INSR: variants seen among roughly 807,000 people sequenced by gnomAD.
INSR encodes IR.
A neutral mutation model predicts 142.6 loss-of-function variants in INSR; 67 were observed. The ratio of observed to expected loss-of-function variants is 0.47; its 90% confidence interval spans 0.39 to 0.58. The LOEUF (loss-of-function observed/expected upper bound fraction) is 0.58. Among genes scored for constraint, INSR ranks in the 20% least tolerant of loss-of-function variants. INSR has a pLI of 0.00. For synonymous variants in INSR, 756 were observed against 743.1 expected (o/e 1.02, Z -0.28); for missense variants, 1,248 against 1,833.2 (o/e 0.68, Z 5.83).
chr19:7,172,395 A>G lies in INSR; in HGVS notation c.1163T>C (p.Ile388Thr), dbSNP rs752891647. The change falls in exon 5 of 22, where the codon ATT becomes ACT. Residue 388 changes from isoleucine to threonine, a missense_variant. By Grantham distance (89) the Ile-to-Thr change is moderately conservative. Coordinates refer to ENST00000302850, the MANE Select transcript of INSR (RefSeq NM_000208.4). ...TTTTAGATACCCTGAAATTTCTTCA[A>G]TGAGGCCGAGGTTGGCTTCTAGCTC... ...AAELEANLGL[I>T]EEISGYLKIR... is the part of the protein sequence containing the mutation. The G allele has an allele frequency of 4.3e-6, 7 of 1,613,968 alleles. No homozygotes were observed. Among genetic ancestry groups the G allele is most frequent in the South Asian group, 2.2e-5 (2 of 91,086 alleles).
At chr19:7,212,531 C>A (rs1975306809) in intron 2 of INSR, among the ~76,000 whole-genome samples, 1 of 152,204 alleles carries the variant, frequency 6.6e-6, no homozygotes, top group Non-Finnish European at 1.5e-5. Context: ...CCTCATGGTG[C>A]TTCCAGTCTA....
chr19:7,256,167 G>A (rs531761356), intron 2 of INSR, among the ~76,000 whole-genome samples: 2 of 152,138 alleles, frequency 1.3e-5, no homozygotes, highest in Non-Finnish European at 2.9e-5. Flanking sequence ...GCTGGGCATG[G>A]CGGCTCACGC....
chr19:7,224,870 T>A (rs747202957), intron 2 of INSR, among the ~76,000 whole-genome samples: 1 of 151,474 alleles, frequency 6.6e-6, no homozygotes, highest in Non-Finnish European at 1.5e-5. Context: ...AATATCCAGG[T>A]TCTTGTCTCT....
At chr19:7,248,268 C>T (rs1976595548) in intron 2 of INSR, among the ~76,000 whole-genome samples, 1 of 150,774 alleles carries the variant, frequency 6.6e-6, no homozygotes, top group Non-Finnish European at 1.5e-5. Context: ...ACCTCAGTCC[C>T]CCAGGTAGCT....
chr19:7,221,656 C>T (rs1353627662), intron 2 of INSR, among the ~76,000 whole-genome samples: 8 of 150,412 alleles, frequency 5.3e-5, no homozygotes, highest in African/African-American at 1.7e-4. Flanking sequence ...TGCAGTGAGC[C>T]GAGATCACAC....
chr19:7,129,147 C>T (rs567340371), intron 14 of INSR, among the ~76,000 whole-genome samples, 193 bp from the exon 15 acceptor site: 1 of 152,104 alleles, frequency 6.6e-6, no homozygotes, highest in African/African-American at 2.4e-5. Context: ...GCAGTGGGAC[C>T]AGGCAGTGGG....
intron 1 of INSR, among the ~76,000 whole-genome samples, chr19:7,280,872 T>A (rs748015020): frequency 2.6e-5 from 4 of 151,750 alleles, no homozygotes; most frequent in Non-Finnish European, 5.9e-5. Flanking sequence ...CACTCCAGCC[T>A]GGGTGACAGA....
chr19:7,153,196 AC>A (rs1973459122), intron 9 of INSR, among the ~76,000 whole-genome samples: 1 of 4,354 alleles, frequency 2.3e-4, no homozygotes, highest in African/African-American at 4.6e-4. Flanking sequence ...CCACACACAC[AC>A]CACACACACC....
At chr19:7,195,643 A>G (rs1417346283) in intron 2 of INSR, among the ~76,000 whole-genome samples, 1 of 147,028 alleles carries the variant, frequency 6.8e-6, no homozygotes, top group East Asian at 1.9e-4. Flanking sequence ...CTCCGCCTCA[A>G]AAAAAAATAA....
rs1483931898 is a variant in INSR, at chr19:7,245,753, A to G, written c.652+21592T>C. On this transcript the variant is annotated intron_variant, in intron 2 of 21. Transcript: ENST00000302850. ...GAGCCACCACGCCCAGCCGAGCCCC[A>G]CTTCTTTAAAAACAAAACGACAACA... Among the ~76,000 whole-genome samples, 17 of 152,126 alleles carry G rather than the reference A, an allele frequency of 1.1e-4. 1 individual carries two copies. The highest frequency in any genetic ancestry group is 1.1e-3 in the Admixed American group (17 of 15,252).
chr19:7,288,637 T>C (rs1968406388), intron 1 of INSR, among the ~76,000 whole-genome samples: 1 of 126,902 alleles, frequency 7.9e-6, no homozygotes, highest in South Asian at 2.7e-4. Flanking sequence ...AAATCCTGTC[T>C]CTAAAAAGAA....
chr19:7,177,025 G>C (rs1382729350), intron 3 of INSR, among the ~76,000 whole-genome samples: 1 of 152,098 alleles, frequency 6.6e-6, no homozygotes, highest in Non-Finnish European at 1.5e-5. Context: ...AAGTGACTTG[G>C]GCAGCCTTTG....
At chr19:7,170,163 C>G (rs559512489) in intron 6 of INSR, among the ~76,000 whole-genome samples, 1 of 152,194 alleles carries the variant, frequency 6.6e-6, no homozygotes, top group South Asian at 2.1e-4. Flanking sequence ...TGCCTCCTGT[C>G]AGATTAGCGG....
chr19:7,173,123 G>A (rs1269328843), intron 4 of INSR, among the ~76,000 whole-genome samples: 1 of 152,084 alleles, frequency 6.6e-6, no homozygotes, highest in East Asian at 1.9e-4. Flanking sequence ...GGGAAAAGTT[G>A]CCCATTTCCA....
At chr19:7,156,919 G>A (rs1012091398) in intron 9 of INSR, among the ~76,000 whole-genome samples, 1 of 150,070 alleles carries the variant, frequency 6.7e-6, no homozygotes, top group Non-Finnish European at 1.5e-5. Flanking sequence ...TCCACTCCCC[G>A]TAACTGGGAT....
intron 13 of INSR, among the ~76,000 whole-genome samples, chr19:7,139,917 G>A (rs1044821448): frequency 7.1e-6 from 1 of 141,662 alleles, no homozygotes; most frequent in African/African-American, 2.6e-5. Context: ...TTTGCGTCCC[G>A]GGTTCAAGCA....
rs1161289283 is a variant in INSR, at chr19:7,243,234, G to GTTTTTTTT, written c.652+24103_652+24110dup. Among the ~76,000 whole-genome samples the GTTTTTTTT allele has an allele frequency of 7.0e-4, 48 of 68,212 alleles. 3 individuals carry two copies. Among genetic ancestry groups the GTTTTTTTT allele is most frequent in the Non-Finnish European group, 9.2e-4 (36 of 39,246 alleles). The allele number at this position is 68,212 out of a possible 152,430, so 44.7% of individuals were successfully genotyped here. A position where few individuals can be genotyped will look rare whatever the true frequency, so the allele number is the denominator to read the frequency against. ...TCACAGCCAGTCACACACTGTTTTG[G>GTTTTTTTT]TTTTTTTTTTTTTTTTTTTTTTTTT... On this transcript the variant is annotated intron_variant, in intron 2 of 21. Coordinates refer to ENST00000302850, the MANE Select transcript of INSR (RefSeq NM_000208.4).
intron 2 of INSR, among the ~76,000 whole-genome samples, chr19:7,239,015 G>T (rs1600077997): frequency 7.2e-6 from 1 of 138,178 alleles, no homozygotes; most frequent in Admixed American, 7.2e-5. Context: ...TATGATGCAT[G>T]TCCTATTATT....
chr19:7,146,271 T>C (rs7257359), intron 11 of INSR, among the ~76,000 whole-genome samples: 130,865 of 140,632 alleles, frequency 0.93, 60,915 homozygotes, highest in East Asian at 1. Flanking sequence ...GACAGAGTTT[T>C]GCTCTGTTGC....
Sources: gnomAD v4.1 joint callset for allele counts (sites outside exome capture counted in the v4.1 genomes callset) on GRCh38, gnomAD v4.1.1 for gene constraint, MANE v1.5 for transcripts, NCBI Gene and HGNC (gene_info 2026-07-23, HGNC 2026-07-21) for gene names.